SLC30A8: variants seen among roughly 807,000 people sequenced by gnomAD.
The protein encoded by SLC30A8 is solute carrier family 30 member 8, also known as proton-coupled zinc antiporter SLC30A8.
Under a neutral mutation model 36.9 loss-of-function variants are expected in SLC30A8, and 27 were observed. The observed-to-expected ratio is 0.73, with a 90% CI of 0.54 to 1.01. The LOEUF (loss-of-function observed/expected upper bound fraction) is 1.01. Among genes scored for constraint, SLC30A8 ranks in the 50% least tolerant of loss-of-function variants. SLC30A8 has a pLI of 0.00. For synonymous variants in SLC30A8, 164 were observed against 172.4 expected (o/e 0.95, Z 0.38); for missense variants, 439 against 452.0 (o/e 0.97, Z 0.26).
chr8:117,027,235 C>T (rs565590420), intron 1 of SLC30A8, among the ~76,000 whole-genome samples: 1 of 152,146 alleles, frequency 6.6e-6, no homozygotes, highest in African/African-American at 2.4e-5. Context: ...TCATCTTGGC[C>T]TCAAGGCTGC....
intron 2 of SLC30A8, among the ~76,000 whole-genome samples, chr8:117,088,826 CTG>C (rs1231809522): frequency 3.3e-5 from 5 of 152,210 alleles, no homozygotes; most frequent in African/African-American, 1.2e-4. Flanking sequence ...ATTTGGCTGA[CTG>C]TATTAGATGA....
chr8:117,101,071 A>G lies in SLC30A8; in HGVS notation c.-225-34209A>G, dbSNP rs567322754. Among the ~76,000 whole-genome samples, 4 of 152,328 alleles carry G rather than the reference A, an allele frequency of 2.6e-5. No individual in the cohort carries two copies. In the East Asian group the frequency reaches 5.8e-4, roughly 22 times the overall value. ...TGACGAGTGAATGATAGAAGCTACC[A>G]GATAAGTTTTAATCTTAGACTCTGT... is the stretch of plus-strand genomic sequence containing the variant. On this transcript the variant is annotated intron_variant, in intron 2 of 10. Transcript: ENST00000427715.
chr8:117,104,980 T>C (rs181526876), intron 2 of SLC30A8, among the ~76,000 whole-genome samples: 15 of 152,208 alleles, frequency 9.9e-5, no homozygotes, highest in African/African-American at 3.4e-4. Flanking sequence ...AGCTAATATA[T>C]TATAATTAGC....
intron 1 of SLC30A8, among the ~76,000 whole-genome samples, chr8:117,033,811 A>G (rs1817128424): frequency 6.6e-6 from 1 of 152,114 alleles, no homozygotes; most frequent in Admixed American, 6.5e-5. Flanking sequence ...AAGCAACAAA[A>G]CCTTCCTTGA....
intron 2 of SLC30A8, among the ~76,000 whole-genome samples, chr8:117,094,703 C>G (rs1442400198): frequency 2.6e-5 from 4 of 152,218 alleles, no homozygotes; most frequent in Non-Finnish European, 2.9e-5. Flanking sequence ...CAGGCTCTCC[C>G]TGGCTTGAAG....
At chr8:116,965,266 C>T (rs561977372) in intron 1 of SLC30A8, among the ~76,000 whole-genome samples, 21 of 152,080 alleles carry the variant, frequency 1.4e-4, no homozygotes, top group South Asian at 4.2e-4. Flanking sequence ...ATTTTGGAAG[C>T]GAAGAAAGTG....
chr8:117,083,177 G>A (rs1222554875), intron 2 of SLC30A8, among the ~76,000 whole-genome samples: 7 of 152,122 alleles, frequency 4.6e-5, no homozygotes, highest in African/African-American at 1.7e-4. Flanking sequence ...AGCAAAAAAT[G>A]GCATATGTCA....
At chr8:117,045,104 G>A (rs767869504) in intron 2 of SLC30A8, among the ~76,000 whole-genome samples, 2 of 152,184 alleles carry the variant, frequency 1.3e-5, no homozygotes, top group African/African-American at 4.8e-5. Context: ...CCTTTCAGCG[G>A]TGTAACTGGG....
At chr8:116,951,516 T>C (rs1813990178) in intron 1 of SLC30A8, among the ~76,000 whole-genome samples, 1 of 152,102 alleles carries the variant, frequency 6.6e-6, no homozygotes. Flanking sequence ...GCTTCCTATT[T>C]ACTCCCTTAG....
At chr8:116,993,538 C>G (rs1815718245) in intron 1 of SLC30A8, among the ~76,000 whole-genome samples, 1 of 151,952 alleles carries the variant, frequency 6.6e-6, no homozygotes. Flanking sequence ...GACCCAGAGA[C>G]AATCTAGATG....
chr8:117,157,791 C>T lies in SLC30A8; in HGVS notation c.519C>T (p.Ile173=). Residue 173 remains isoleucine, a synonymous_variant, in exon 4 of 8, where the codon ATC becomes ATT. Coordinates refer to ENST00000456015, the MANE Select transcript of SLC30A8 (RefSeq NM_173851.3). ...CERLLYPDYQ[I]QATVMIIVSS... Reference sequence around the variant, plus strand: ...GCCTGCTGTATCCTGATTACCAGATCCAGGCGACTGTGATGATCATCGTTT... The same window carrying T: ...GCCTGCTGTATCCTGATTACCAGATTCAGGCGACTGTGATGATCATCGTTT... 1 of 1,614,116 alleles carries T rather than the reference C, an allele frequency of 6.2e-7. No homozygotes were observed. The highest frequency in any genetic ancestry group is 8.5e-7 in the Non-Finnish European group (1 of 1,180,014).
At chr8:117,042,371 G>A (rs1369584973) in intron 2 of SLC30A8, among the ~76,000 whole-genome samples, 3 of 152,234 alleles carry the variant, frequency 2.0e-5, no homozygotes, top group East Asian at 1.9e-4. Flanking sequence ...TTACATTTTC[G>A]TCTGGTTGAA....
At chr8:117,001,286 A>G (rs780922111) in intron 1 of SLC30A8, among the ~76,000 whole-genome samples, 4 of 137,364 alleles carry the variant, frequency 2.9e-5, no homozygotes, top group Non-Finnish European at 6.1e-5. Flanking sequence ...TGCTGCTGAT[A>G]GCCATTTTGA....
At chr8:117,044,802 G>A (rs958540917) in intron 2 of SLC30A8, among the ~76,000 whole-genome samples, 3 of 152,184 alleles carry the variant, frequency 2.0e-5, no homozygotes, top group Non-Finnish European at 4.4e-5. Context: ...TAAAATTCGG[G>A]GAATCAGATC....
chr8:117,086,345 C>G (rs1818876131), intron 2 of SLC30A8, among the ~76,000 whole-genome samples: 1 of 152,180 alleles, frequency 6.6e-6, no homozygotes, highest in African/African-American at 2.4e-5. Context: ...GACTATGTCA[C>G]TTGTAACATT....
rs1356637421 is a variant in SLC30A8 at position 117,172,674 on chromosome 8, G to A, written c.1103G>A (p.Cys368Tyr). 6.2e-7 allele frequency: 1 copy of A among 1,613,612 alleles called. No individual in the cohort carries two copies. The highest frequency in any genetic ancestry group is 1.7e-5 in the Admixed American group (1 of 59,986). Residue 368 changes from cysteine (C) to tyrosine (Y), a missense_variant, in exon 8 of 8, where the codon TGT becomes TAT. Physicochemically the swap from Cys to Tyr is radical, Grantham distance 194 (BLOSUM62 -2). Transcript: ENST00000456015. ...GACTGCCTTTTCTGTGAAGACCCCT[G>A]TGACTAGCTCAGTCACACCGTCAGT... ...DPDCLFCEDP[C>Y]D
chr8:117,125,471 T>C (rs1197124592), intron 2 of SLC30A8, among the ~76,000 whole-genome samples: 1 of 151,934 alleles, frequency 6.6e-6, no homozygotes, highest in Non-Finnish European at 1.5e-5. Flanking sequence ...TGACCAAATA[T>C]TTTTGTGAAT....
At chr8:117,132,925 T>C (rs1298082696), upstream of SLC30A8, among the ~76,000 whole-genome samples, 2 of 151,994 alleles carry the variant, frequency 1.3e-5, no homozygotes, top group Non-Finnish European at 2.9e-5. Context: ...CTGTTCTCTG[T>C]TCTTATGCTA....
At chr8:117,033,418 G>A (rs886528746) in intron 1 of SLC30A8, among the ~76,000 whole-genome samples, 3 of 152,176 alleles carry the variant, frequency 2.0e-5, no homozygotes, top group African/African-American at 7.2e-5. Flanking sequence ...ATCCACAATA[G>A]GTAACTTCAT....
Sources: allele counts gnomAD v4.1 joint callset (sites outside exome capture counted in the v4.1 genomes callset), GRCh38; gene constraint gnomAD v4.1.1; transcripts MANE v1.5; gene names NCBI Gene and HGNC (gene_info 2026-07-23, HGNC 2026-07-21).